The following KCNIP4 variants were observed in gnomAD, a reference collection of about 807,000 sequenced individuals.
The protein encoded by KCNIP4 is potassium voltage-gated channel interacting protein 4, also known as Kv channel-interacting protein 4.
A neutral mutation model predicts 34.0 loss-of-function variants in KCNIP4; 12 were observed. That is an observed-to-expected ratio of 0.35 (90% CI 0.23 to 0.57). KCNIP4 has a LOEUF of 0.57. KCNIP4 is among the 20% of genes least tolerant of loss of function. The pLI is 0.83. For missense variants in KCNIP4, 238 were observed against 311.7 expected, an observed-to-expected ratio of 0.76 and a Z score of 1.78; for synonymous variants, 124 against 102.2, an observed-to-expected ratio of 1.21 and a Z score of -1.29.
intron 1 of KCNIP4, among the ~76,000 whole-genome samples, chr4:21,810,164 G>C (rs1378464885): frequency 6.6e-6 from 1 of 152,182 alleles, no homozygotes; most frequent in Non-Finnish European, 1.5e-5. Context: ...GTTAGGAAAG[G>C]AGGATGAAGA....
At chr4:21,364,687 A>T (rs1262836929) in intron 1 of KCNIP4, among the ~76,000 whole-genome samples, 1 of 152,160 alleles carries the variant, frequency 6.6e-6, no homozygotes, top group Non-Finnish European at 1.5e-5. Flanking sequence ...GATATCAGAA[A>T]AAGCTAAAGG....
chr4:21,538,199 T>A (rs754858944), intron 1 of KCNIP4, among the ~76,000 whole-genome samples: 4 of 151,940 alleles, frequency 2.6e-5, no homozygotes, highest in Non-Finnish European at 4.4e-5. Flanking sequence ...TTCTACAGCA[T>A]GTTTAGAAGT....
Position 21,095,189 on chromosome 4 carries a change from C to G in KCNIP4, c.62-212480G>C, listed in dbSNP as rs574602857. ...AGTAAAATGTGCACATAAATGTATG[C>G]ATGTGTGATCATTCATGTTGTTTAG... On this transcript the variant is annotated intron_variant, in intron 1 of 8. Transcript: ENST00000382152. Among the ~76,000 whole-genome samples, 3 of 152,246 alleles carry G rather than the reference C, an allele frequency of 2.0e-5. No individual in the cohort carries two copies. In the East Asian group the frequency reaches 5.8e-4, roughly 29 times the overall value.
chr4:21,185,309 A>T (rs1222477357), intron 1 of KCNIP4, among the ~76,000 whole-genome samples: 3 of 151,980 alleles, frequency 2.0e-5, no homozygotes, highest in Non-Finnish European at 4.4e-5. Flanking sequence ...TCCCTTAGAA[A>T]TTTACTTGGA....
intron 1 of KCNIP4, among the ~76,000 whole-genome samples, chr4:21,889,127 A>AGTGACAG (rs1462747019): frequency 6.6e-6 from 1 of 152,152 alleles, no homozygotes; most frequent in East Asian, 1.9e-4. Flanking sequence ...TAGAGTCAGG[A>AGTGACAG]GTGACAGTGA....
chr4:21,673,094 G>A (rs1026720495), intron 1 of KCNIP4, among the ~76,000 whole-genome samples: 1 of 152,210 alleles, frequency 6.6e-6, no homozygotes. Flanking sequence ...GATTGCCATA[G>A]CCTGGTGTGA....
intron 1 of KCNIP4, among the ~76,000 whole-genome samples, chr4:21,892,002 A>T (rs973741650): frequency 6.6e-6 from 1 of 152,210 alleles, no homozygotes; most frequent in South Asian, 2.1e-4. Context: ...GTCAACTTAC[A>T]GTTTAAAAAT....
chr4:20,737,385 A>G (rs1373934981), intron 5 of KCNIP4, among the ~76,000 whole-genome samples: 1 of 152,204 alleles, frequency 6.6e-6, no homozygotes, highest in Non-Finnish European at 1.5e-5. Context: ...AGGAGTGAAG[A>G]GTAATTTTTA....
chr4:21,854,532 G>A (rs1724629249), intron 1 of KCNIP4, among the ~76,000 whole-genome samples: 3 of 152,014 alleles, frequency 2.0e-5, no homozygotes, highest in Non-Finnish European at 4.4e-5. Flanking sequence ...CAGTGTACAG[G>A]TGAAGAATGA....
chr4:21,851,169 T>TG (rs1724359746), intron 1 of KCNIP4: 1 of 152,018 alleles, frequency 6.6e-6, no homozygotes, highest in Non-Finnish European at 1.5e-5. Flanking sequence ...GCCACAGGCA[T>TG]TAGTGCAGGG....
chr4:20,975,726 C>T (rs1335180656), intron 1 of KCNIP4, among the ~76,000 whole-genome samples: 3 of 152,126 alleles, frequency 2.0e-5, no homozygotes, highest in African/African-American at 7.2e-5. Flanking sequence ...CTCAATGGTT[C>T]CCTTTATTGC....
chr4:20,973,172 G>A (rs925964923), intron 1 of KCNIP4, among the ~76,000 whole-genome samples: 11 of 152,214 alleles, frequency 7.2e-5, no homozygotes, highest in Admixed American at 2.6e-4. Flanking sequence ...TCTCCCAATA[G>A]AAGGTTGTTT....
chr4:21,741,896 G>A (rs1440010809), intron 1 of KCNIP4, among the ~76,000 whole-genome samples: 1 of 151,962 alleles, frequency 6.6e-6, no homozygotes, highest in Non-Finnish European at 1.5e-5. Flanking sequence ...AATTAGCTGG[G>A]CATGGTGACG....
chr4:21,166,646 A>G (rs1753642814), intron 1 of KCNIP4, among the ~76,000 whole-genome samples: 1 of 152,168 alleles, frequency 6.6e-6, no homozygotes, highest in Non-Finnish European at 1.5e-5. Flanking sequence ...CCCAACAAGA[A>G]GTGAGTGGAT....
chr4:21,338,050 G>A (rs1716354217), intron 1 of KCNIP4, among the ~76,000 whole-genome samples: 1 of 151,886 alleles, frequency 6.6e-6, no homozygotes. Flanking sequence ...TTTGTCCTTG[G>A]CTTCAAGATA....
At chr4:21,592,819 C>G (rs936122221) in intron 1 of KCNIP4, among the ~76,000 whole-genome samples, 7 of 152,018 alleles carry the variant, frequency 4.6e-5, no homozygotes, top group African/African-American at 1.7e-4. Context: ...AAAGAGCTGA[C>G]TAGCACATAA....
chr4:21,519,371 C>T (rs1735074919), intron 1 of KCNIP4, among the ~76,000 whole-genome samples: 2 of 115,110 alleles, frequency 1.7e-5, no homozygotes, highest in African/African-American at 3.0e-5. Context: ...CACACACACA[C>T]ACGTATATGT....
chr4:21,223,880 G>T (rs1758164641), intron 1 of KCNIP4, among the ~76,000 whole-genome samples: 1 of 151,948 alleles, frequency 6.6e-6, no homozygotes. Context: ...AGTCATCTTT[G>T]TTCTGTGGTT....
chr4:21,261,181 T>C (rs533182330), intron 1 of KCNIP4, among the ~76,000 whole-genome samples: 225 of 152,284 alleles, frequency 1.5e-3, no homozygotes, highest in African/African-American at 5.1e-3. Context: ...TAGAAAATAG[T>C]TGTGTAAAAA....
Sources: gnomAD v4.1 joint callset for allele counts (sites outside exome capture counted in the v4.1 genomes callset) on GRCh38, gnomAD v4.1.1 for gene constraint, MANE v1.5 for transcripts, NCBI Gene and HGNC (gene_info 2026-07-23, HGNC 2026-07-21) for gene names.